CD6: variants seen among roughly 807,000 people sequenced by gnomAD.
CD6 encodes the protein CD6 molecule.
In CD6, 53 loss-of-function variants were observed where a neutral mutation model predicts 75.3. The ratio of observed to expected loss-of-function variants is 0.70; its 90% CI spans 0.56 to 0.88. The LOEUF is 0.88. CD6 is among the 40% of genes least tolerant of loss of function. The pLI, the probability that CD6 is intolerant of heterozygous loss-of-function variation, is 0.00. For synonymous variants in CD6, 359 were observed against 381.5 expected (o/e 0.94, Z 0.69); for missense variants, 770 against 897.1 (o/e 0.86, Z 1.81).
intron 1 of CD6, among the ~76,000 whole-genome samples, chr11:60,978,254 C>T (rs1248629643): frequency 1.3e-5 from 2 of 152,188 alleles, no homozygotes; most frequent in African/African-American, 2.4e-5. Context: ...AAGACTGAGC[C>T]TGGGGACGCT....
At chr11:60,996,648 G>T (rs180978302) in intron 1 of CD6, among the ~76,000 whole-genome samples, 120 of 152,298 alleles carry the variant, frequency 7.9e-4, no homozygotes, top group Non-Finnish European at 1.5e-3. Context: ...TTAGCAGGGA[G>T]CACGCCTCTC....
At chr11:61,017,203 T>A (rs1204891459) in intron 9 of CD6, 1 of 477,706 alleles carries the variant, frequency 2.1e-6, no homozygotes, top group Admixed American at 3.4e-5. Context: ...AGACTCTTGA[T>A]ACCTCTCTAA....
At chr11:60,987,682 C>T (rs967038964) in intron 1 of CD6, among the ~76,000 whole-genome samples, 2 of 151,524 alleles carry the variant, frequency 1.3e-5, no homozygotes, top group African/African-American at 4.8e-5. Flanking sequence ...AGTTAGATAT[C>T]TCAGGTTATT....
rs756522841 is a variant in CD6, at chr11:61,013,509, C to A, written c.1237C>A (p.Leu413Ile). The stretch of plus-strand genomic sequence containing the variant: ...CTCCATCGTTCTGGGAATTCTCCTC[C>A]TTGGCTCCCTCATCTTCATAGCCTT... ...IPSIVLGILL[L>I]GSLIFIAFIL... Residue 413 changes from leucine (L) to isoleucine (I), a missense_variant, in exon 7 of 13, where the codon CTT becomes ATT. Leu to Ile is a conservative substitution (Grantham distance 5). Coordinates refer to ENST00000313421, the MANE Select transcript of CD6 (RefSeq NM_006725.5). The A allele has an allele frequency of 3.7e-6, 6 of 1,614,148 alleles. No individual in the cohort carries two copies. The South Asian group carries it at 6.6e-5, about 18-fold the overall frequency.
chr11:61,006,219 T>A (rs775874379), intron 1 of CD6, among the ~76,000 whole-genome samples: 7 of 152,194 alleles, frequency 4.6e-5, no homozygotes, highest in Admixed American at 1.3e-4. Flanking sequence ...TTCCTAAGAA[T>A]CATAGCTGAA....
chr11:61,008,844 A>G lies in CD6; in HGVS notation c.780A>G (p.Ser260=). ...AAGAGGACGCGGGCGCGGTGTGCTC[A>G]GGTCAGTGGGCGGAGTCACTGAAGC... is the stretch of plus-strand genomic sequence containing the variant. ...GHKEDAGAVC[S]EHQSWRLTGG... Residue 260 remains serine, a splice_region_variant and synonymous_variant, in exon 4 of 13, where the codon TCA becomes TCG. Coordinates refer to ENST00000313421, the MANE Select transcript of CD6 (RefSeq NM_006725.5). 4 of 1,532,012 alleles carry G rather than the reference A, an allele frequency of 2.6e-6. No homozygotes were observed. Among genetic ancestry groups the G allele is most frequent in the Non-Finnish European group, 3.5e-6 (4 of 1,137,436 alleles). The allele number at this position is 1,532,012 out of a possible 1,614,324, so 94.9% of individuals were successfully genotyped here.
At chr11:60,993,087 G>A (rs2135084082) in intron 1 of CD6, among the ~76,000 whole-genome samples, 1 of 152,210 alleles carries the variant, frequency 6.6e-6, no homozygotes, top group East Asian at 1.9e-4. Flanking sequence ...TGGAAAGAAG[G>A]CACGGTCTGG....
intron 8 of CD6, 132 bp from the exon 9 acceptor site, chr11:61,015,581 G>T (rs905963385): frequency 1.3e-5 from 14 of 1,052,130 alleles, no homozygotes; most frequent in Non-Finnish European, 1.8e-5. Flanking sequence ...AGAAAAGAAA[G>T]AAAAAAAAAG....
chr11:61,018,397 C>T lies in CD6; in HGVS notation c.1942+4C>T, dbSNP rs765441810. The T allele has an allele frequency of 3.8e-6, 6 of 1,581,178 alleles. No homozygotes were observed. Among genetic ancestry groups the T allele is most frequent in the Non-Finnish European group, 4.3e-6 (5 of 1,162,520 alleles). On this transcript the variant is annotated splice_donor_region_variant and intron_variant, in intron 12 of 12. Transcript: ENST00000313421. ...GAGGAGCAGTTTGGCTGTCCAGGTGCCAATATCTGGGGAAGGGATGTGGGA... is the reference window on the plus strand; with the variant it reads ...GAGGAGCAGTTTGGCTGTCCAGGTGTCAATATCTGGGGAAGGGATGTGGGA...
intron 1 of CD6, among the ~76,000 whole-genome samples, chr11:60,999,668 C>T (rs1278991582): frequency 6.6e-6 from 1 of 152,046 alleles, no homozygotes; most frequent in Non-Finnish European, 1.5e-5. Context: ...AACCAACCCC[C>T]CAATCACTTT....
Position 61,014,023 on chromosome 11 carries a change from T to G in CD6, c.1387+9T>G, listed in dbSNP as rs750692888. 1.3e-6 allele frequency: 2 copies of G among 1,599,784 alleles called. No individual in the cohort carries two copies. Among genetic ancestry groups the G allele is most frequent in the Middle Eastern group, 1.7e-4 (1 of 6,034 alleles). ...CACCATCCCCAAAGAAGGTAGGATG[T>G]CCCCCATCCTGGGTGTGGGAGGGCT... On this transcript the variant is annotated intron_variant, in intron 8 of 12. Coordinates refer to ENST00000313421, the MANE Select transcript of CD6 (RefSeq NM_006725.5).
intron 12 of CD6, 55 bp from the exon 13 acceptor site, chr11:61,019,198 TG>T: frequency 7.2e-7 from 1 of 1,382,480 alleles, no homozygotes; most frequent in Non-Finnish European, 1.0e-6. Flanking sequence ...CTCCGTCCTG[TG>T]GGGCAGCAGG....
At position 60,977,675 on chromosome 11, in the gene CD6, G is replaced by A. The variant is rs577332917; in HGVS notation, c.49+5761G>A. 5.3e-5 allele frequency among the ~76,000 whole-genome samples: 8 copies of A among 151,394 alleles called. No individual in the cohort carries two copies. The East Asian group carries it at 9.7e-4, about 18-fold the overall frequency. ...TTTTTAGATGGAGTCTCGCTCTGTCGCCCAGGCTAGAATGCAGTGGTGCAG... is the reference window on the plus strand; with the variant it reads ...TTTTTAGATGGAGTCTCGCTCTGTCACCCAGGCTAGAATGCAGTGGTGCAG... On this transcript the variant is annotated intron_variant, in intron 1 of 12. Coordinates refer to ENST00000313421, the MANE Select transcript of CD6 (RefSeq NM_006725.5).
At chr11:60,987,076 C>T (rs1483095938) in intron 1 of CD6, among the ~76,000 whole-genome samples, 5 of 151,916 alleles carry the variant, frequency 3.3e-5, no homozygotes, top group South Asian at 2.1e-4. Flanking sequence ...TGCAGTGAGC[C>T]GAGATGGCAC....
chr11:61,015,129 T>G (rs1859340365), intron 8 of CD6, among the ~76,000 whole-genome samples: 1 of 151,530 alleles, frequency 6.6e-6, no homozygotes, highest in Non-Finnish European at 1.5e-5. Context: ...ATCATGAGGG[T>G]TAAATGAGGT....
chr11:61,018,120 G>T (rs770425414), intron 11 of CD6, 107 bp downstream of exon 11: 415 of 1,412,926 alleles, frequency 2.9e-4, no homozygotes, highest in Non-Finnish European at 3.8e-4. Flanking sequence ...ACCCAGTTCC[G>T]CAGCCATTCG....
intron 8 of CD6, 137 bp downstream of exon 8, chr11:61,014,151 T>C (rs535500342): frequency 9.7e-6 from 6 of 620,346 alleles, no homozygotes; most frequent in African/African-American, 1.9e-5. Context: ...CTCCCGGCCC[T>C]GGGACCTTGA....
intron 9 of CD6, among the ~76,000 whole-genome samples, chr11:61,016,726 G>A (rs752963486): frequency 2.6e-5 from 4 of 152,184 alleles, no homozygotes; most frequent in Admixed American, 6.5e-5. Context: ...GCAGGGAAAC[G>A]AAGGCTCTGT....
chr11:61,013,601 G>A (rs780056538), intron 7 of CD6, 38 bp downstream of exon 7: 3 of 1,608,398 alleles, frequency 1.9e-6, no homozygotes, highest in Non-Finnish European at 2.6e-6. Context: ...CCATCCCAGG[G>A]GGATGTGAGC....
Sources: allele counts gnomAD v4.1 joint callset (sites outside exome capture counted in the v4.1 genomes callset), GRCh38; gene constraint gnomAD v4.1.1; transcripts MANE v1.5; gene names NCBI Gene and HGNC (gene_info 2026-07-23, HGNC 2026-07-21).